Variants in CNTNAP2 observed in about 807,000 individuals in gnomAD.
CNTNAP2 encodes contactin associated protein 2.
A neutral mutation model predicts 155.2 loss-of-function variants in CNTNAP2; 98 were observed. That is an observed-to-expected ratio of 0.63 (90% CI 0.54 to 0.75). The LOEUF is 0.75. Ranked by LOEUF, CNTNAP2 falls within the 30% of genes least tolerant of loss-of-function variation. The probability of loss-of-function intolerance (pLI) is 0.00; values close to 1 mark genes in which losing one functional copy is unlikely to be tolerated. For missense variants in CNTNAP2, 1,727 were observed against 1,688.1 expected (o/e 1.02, Z -0.40); for synonymous variants, 651 against 631.2 (o/e 1.03, Z -0.47).
At chr7:147,387,584 A>C (rs1321072793) in intron 9 of CNTNAP2, among the ~76,000 whole-genome samples, 1 of 152,232 alleles carries the variant, frequency 6.6e-6, no homozygotes, top group South Asian at 2.1e-4. Context: ...ATAAACATAT[A>C]TATTTTTAAA....
At chr7:147,148,867 A>C (rs528361873) in intron 8 of CNTNAP2, among the ~76,000 whole-genome samples, 316 of 152,160 alleles carry the variant, frequency 2.1e-3, no homozygotes, top group African/African-American at 7.4e-3. Flanking sequence ...TTGTTCCTCC[A>C]GGTGGGTTCA....
chr7:146,714,506 TA>T (rs1409741537), intron 1 of CNTNAP2, among the ~76,000 whole-genome samples: 12 of 152,178 alleles, frequency 7.9e-5, no homozygotes, highest in East Asian at 1.9e-4. Context: ...GGTGAGATGA[TA>T]TTTTTTTGTA....
At chr7:147,925,744 A>C (rs1341572427) in intron 14 of CNTNAP2, among the ~76,000 whole-genome samples, 1 of 152,214 alleles carries the variant, frequency 6.6e-6, no homozygotes, top group African/African-American at 2.4e-5. Flanking sequence ...TACAGGCGTG[A>C]GCCACCACGC....
At chr7:147,327,334 A>G (rs990140932) in intron 9 of CNTNAP2, among the ~76,000 whole-genome samples, 1 of 152,196 alleles carries the variant, frequency 6.6e-6, no homozygotes, top group Non-Finnish European at 1.5e-5. Context: ...TAAGAGTCCA[A>G]GTGGAGATTG....
intron 15 of CNTNAP2, among the ~76,000 whole-genome samples, chr7:148,106,519 T>TATATATATATATAC (rs1491129840): frequency 7.6e-6 from 1 of 130,864 alleles, no homozygotes; most frequent in African/African-American, 2.7e-5. Context: ...TATATATATA[T>TATATATATATATAC]ACATATTTTT....
chr7:146,877,622 T>G (rs1795456253), intron 3 of CNTNAP2, among the ~76,000 whole-genome samples: 1 of 84,850 alleles, frequency 1.2e-5, no homozygotes, highest in South Asian at 3.1e-4. Flanking sequence ...TATATGTGTG[T>G]GTATGTATGT....
intron 15 of CNTNAP2, among the ~76,000 whole-genome samples, chr7:148,102,125 T>C (rs10242538): frequency 0.11 from 17,294 of 152,132 alleles, 2,700 homozygotes; most frequent in African/African-American, 0.35. Flanking sequence ...TCCTCTCCCT[T>C]CTTCCAGCCT....
chr7:148,106,829 G>A (rs1017762761), intron 15 of CNTNAP2, among the ~76,000 whole-genome samples: 6 of 151,972 alleles, frequency 3.9e-5, no homozygotes, highest in Non-Finnish European at 8.8e-5. Context: ...GTTATTCCCC[G>A]CTTTCTGGAA....
intron 3 of CNTNAP2, among the ~76,000 whole-genome samples, chr7:147,014,985 T>C (rs924090326): frequency 1.3e-5 from 2 of 152,074 alleles, no homozygotes; most frequent in Non-Finnish European, 2.9e-5. Flanking sequence ...AAATGTCATA[T>C]AAAAGTTATT....
intron 13 of CNTNAP2, among the ~76,000 whole-genome samples, chr7:147,851,223 T>TACC (rs1377178539): frequency 2.6e-5 from 4 of 152,140 alleles, no homozygotes; most frequent in African/African-American, 9.6e-5. Flanking sequence ...CACAATGAGA[T>TACC]ACCATCTCAC....
chr7:147,231,412 C>A (rs1346680494), intron 8 of CNTNAP2, among the ~76,000 whole-genome samples: 1 of 152,166 alleles, frequency 6.6e-6, no homozygotes, highest in Non-Finnish European at 1.5e-5. Context: ...GTAGATATCT[C>A]TTTGACATAC....
intron 20 of CNTNAP2, among the ~76,000 whole-genome samples, chr7:148,237,967 G>A (rs943609371): frequency 1.1e-4 from 17 of 152,134 alleles, no homozygotes; most frequent in African/African-American, 3.6e-4. Flanking sequence ...CTTACATATC[G>A]AAATGCTTGC....
chr7:148,369,028 C>T (rs1456696272), intron 21 of CNTNAP2, among the ~76,000 whole-genome samples: 1 of 152,052 alleles, frequency 6.6e-6, no homozygotes, highest in East Asian at 1.9e-4. Flanking sequence ...CAATATAAAA[C>T]AATATGAGAG....
At chr7:147,341,818 CTAAATA>C (rs1795769944) in intron 9 of CNTNAP2, among the ~76,000 whole-genome samples, 1 of 150,420 alleles carries the variant, frequency 6.6e-6, no homozygotes, top group Non-Finnish European at 1.5e-5. Flanking sequence ...TACAACACAT[CTAAATA>C]TAAGAAACCA....
chr7:147,855,056 G>A (rs73460153), intron 13 of CNTNAP2, among the ~76,000 whole-genome samples: 2,177 of 152,206 alleles, frequency 0.014, 44 homozygotes, highest in African/African-American at 0.05. Context: ...AAATTCATCT[G>A]TTTCTTTTTA....
intron 10 of CNTNAP2, among the ~76,000 whole-genome samples, chr7:147,423,483 C>G (rs186363390): frequency 1.6e-4 from 25 of 152,234 alleles, no homozygotes; most frequent in African/African-American, 5.8e-4. Context: ...TGTGTATCTT[C>G]AAGGAATAAA....
At chr7:147,731,770 AGAT>A (rs1404848130) in intron 13 of CNTNAP2, among the ~76,000 whole-genome samples, 1 of 152,152 alleles carries the variant, frequency 6.6e-6, no homozygotes, top group African/African-American at 2.4e-5. Context: ...CCACCATTTT[AGAT>A]GTCATTAAGA....
At chr7:146,515,685 G>T (rs115651481) in intron 1 of CNTNAP2, among the ~76,000 whole-genome samples, 211 of 152,084 alleles carry the variant, frequency 1.4e-3, no homozygotes, top group African/African-American at 4.8e-3. Flanking sequence ...TTTATTGGAT[G>T]CCCAATAACT....
intron 4 of CNTNAP2, among the ~76,000 whole-genome samples, chr7:147,058,555 C>A (rs554530406): frequency 9.9e-5 from 15 of 152,238 alleles, no homozygotes; most frequent in African/African-American, 3.6e-4. Flanking sequence ...AATAACTTTG[C>A]CCCACTTCTT....
Sources: allele counts gnomAD v4.1 joint callset (sites outside exome capture counted in the v4.1 genomes callset), GRCh38; gene constraint gnomAD v4.1.1; transcripts MANE v1.5; gene names NCBI Gene and HGNC (gene_info 2026-07-23, HGNC 2026-07-21).